Variants in SNX9 observed in about 807,000 individuals in gnomAD.
SNX9 encodes sorting nexin 9, also known as sorting nexin-9.
In SNX9, 44 loss-of-function variants were observed where a neutral mutation model predicts 89.4. That is an observed-to-expected ratio of 0.49 (90% confidence interval 0.39 to 0.63). The LOEUF (loss-of-function observed/expected upper bound fraction) is 0.63. Ranked by LOEUF, SNX9 falls within the 30% of genes least tolerant of loss-of-function variation. The pLI, the probability that SNX9 is intolerant of heterozygous loss-of-function variation, is 0.00. For missense variants in SNX9, 578 were observed against 736.1 expected (o/e 0.79, Z 2.49); for synonymous variants, 236 against 247.8 (o/e 0.95, Z 0.45).
intron 4 of SNX9, chr6:157,885,013 T>G (rs1300981106): frequency 6.6e-6 from 1 of 152,226 alleles, no homozygotes; most frequent in Non-Finnish European, 1.5e-5. Context: ...TGTAGCGCCA[T>G]CCTATTCTGT....
chr6:157,910,835 T>C (rs1232617344), intron 9 of SNX9, among the ~76,000 whole-genome samples: 1 of 152,132 alleles, frequency 6.6e-6, no homozygotes, highest in African/African-American at 2.4e-5. Context: ...ATGTGTGTGT[T>C]AAAATAAAGG....
intron 1 of SNX9, among the ~76,000 whole-genome samples, chr6:157,840,296 T>A (rs1781671956): frequency 6.6e-6 from 1 of 152,098 alleles, no homozygotes; most frequent in African/African-American, 2.4e-5. Flanking sequence ...GAGGGGCTGC[T>A]CCCCAGGCTG....
intron 13 of SNX9, among the ~76,000 whole-genome samples, chr6:157,934,633 T>C (rs890653984): frequency 6.6e-6 from 1 of 152,228 alleles, no homozygotes; most frequent in Non-Finnish European, 1.5e-5. Context: ...TTCTAAAACT[T>C]CTAAAACTAT....
At position 157,944,544 on chromosome 6, in the gene SNX9, G is replaced by T. The variant is rs1230245682; in HGVS notation, c.*1706G>T. On this transcript the variant is annotated 3_prime_UTR_variant, in exon 18 of 18. Coordinates refer to ENST00000392185, the MANE Select transcript of SNX9 (RefSeq NM_016224.5). Reference sequence around the variant, plus strand: ...AAGCACTTTTTCAAAACACTTTTTGGACTTTGTGTGTGATTTTTGTTGTTG... The same window carrying T: ...AAGCACTTTTTCAAAACACTTTTTGTACTTTGTGTGTGATTTTTGTTGTTG... The T allele has an allele frequency of 6.6e-6, 1 of 152,406 alleles. No individual in the cohort carries two copies. Among genetic ancestry groups the T allele is most frequent in the Non-Finnish European group, 1.5e-5 (1 of 68,032 alleles). 9.4% of individuals were successfully genotyped at this position (152,406 alleles called of 1,614,324 possible).
At chr6:157,931,900 T>G (rs1411890429) in intron 12 of SNX9, among the ~76,000 whole-genome samples, 2 of 152,204 alleles carry the variant, frequency 1.3e-5, no homozygotes, top group Non-Finnish European at 2.9e-5. Flanking sequence ...TAGAAGTACT[T>G]TGTAAGCTAG....
intron 1 of SNX9, among the ~76,000 whole-genome samples, chr6:157,847,564 G>A (rs1781829146): frequency 6.6e-6 from 1 of 151,852 alleles, no homozygotes; most frequent in East Asian, 1.9e-4. Context: ...TTCGATTGTT[G>A]AGTTTTTGGG....
At chr6:157,937,000 A>G (rs1009524419) in intron 14 of SNX9, among the ~76,000 whole-genome samples, 1 of 152,248 alleles carries the variant, frequency 6.6e-6, no homozygotes, top group African/African-American at 2.4e-5. Context: ...TTTTAATAAC[A>G]TAGCTATTAA....
chr6:157,938,754 T>C lies in SNX9; in HGVS notation c.1648+7T>C. On this transcript the variant is annotated splice_region_variant and intron_variant, in intron 16 of 17. Transcript: ENST00000392185. ...ATGTCTTACGCGTTGCAAGGTAAGATGAAAGGGTCCTTATGAGGTGCTGGT... is the reference window on the plus strand; with the variant it reads ...ATGTCTTACGCGTTGCAAGGTAAGACGAAAGGGTCCTTATGAGGTGCTGGT... 1 of 1,607,308 alleles carries C rather than the reference T, an allele frequency of 6.2e-7. No individual in the cohort carries two copies. The highest frequency in any genetic ancestry group is 8.5e-7 in the Non-Finnish European group (1 of 1,175,070).
chr6:157,828,631 C>CT (rs1201727788), intron 1 of SNX9, among the ~76,000 whole-genome samples: 4 of 152,104 alleles, frequency 2.6e-5, no homozygotes, highest in Non-Finnish European at 4.4e-5. Context: ...GTAGCTGGGA[C>CT]TACAGGTGTG....
At position 157,835,577 on chromosome 6, in the gene SNX9, A is replaced by C. The variant is rs141567144; in HGVS notation, c.12+12131A>C. 3.6e-4 allele frequency among the ~76,000 whole-genome samples: 55 copies of C among 151,788 alleles called. No homozygotes were observed. In the East Asian group the frequency reaches 7.0e-3, roughly 19 times the overall value. The stretch of plus-strand genomic sequence containing the variant: ...TGGTTAGGCTTCGTGTCCCCACCCA[A>C]ATCTCATCTTGAATTGTAATCGCTG... On this transcript the variant is annotated intron_variant, in intron 1 of 17. Transcript: ENST00000392185.
intron 15 of SNX9, among the ~76,000 whole-genome samples, chr6:157,938,234 T>G (rs1783965267): frequency 6.6e-6 from 1 of 152,200 alleles, no homozygotes; most frequent in South Asian, 2.1e-4. Flanking sequence ...AATATTCTGT[T>G]GTATAAAAAA....
chr6:157,835,818 A>G (rs111398590), intron 1 of SNX9, among the ~76,000 whole-genome samples: 10,857 of 152,214 alleles, frequency 0.071, 490 homozygotes, highest in Non-Finnish European at 0.11. Flanking sequence ...CTGTGAGTCA[A>G]TTAAACCTCT....
intron 13 of SNX9, 65 bp from the exon 14 acceptor site, chr6:157,935,899 A>C: frequency 8.5e-7 from 1 of 1,171,200 alleles, no homozygotes; most frequent in Non-Finnish European, 1.2e-6. Flanking sequence ...TCAATAATAA[A>C]ATTTTAACAA....
chr6:157,905,284 A>G (rs1783187227), intron 6 of SNX9, among the ~76,000 whole-genome samples: 1 of 152,224 alleles, frequency 6.6e-6, no homozygotes, highest in Non-Finnish European at 1.5e-5. Flanking sequence ...TGGCACATGA[A>G]TGAAAGTAGA....
intron 5 of SNX9, among the ~76,000 whole-genome samples, chr6:157,897,787 A>G (rs953522443): frequency 1.3e-5 from 2 of 152,166 alleles, no homozygotes; most frequent in South Asian, 2.1e-4. Flanking sequence ...AAGTGCTGGG[A>G]TTACAGGTGT....
In SNX9 at chr6:157,928,697, C is replaced by T. The variant is rs1783745747; in HGVS notation, c.1283C>T (p.Thr428Met). Residue 428 changes from threonine to methionine, a missense_variant, in exon 12 of 18, where the codon ACG (threonine) becomes ATG (methionine). Transcript: ENST00000392185. ...GGGCAGGAGCACTGGAAGCGCTGCA[C>T]GGGCCGTAAGTCCACTCCTCACAGT... ...TVGQEHWKRC[T>M]GPLPKEYQKI... is the part of the protein sequence containing the mutation. 3 of 1,595,570 alleles carry T rather than the reference C, an allele frequency of 1.9e-6. No individual in the cohort carries two copies. Among genetic ancestry groups the T allele is most frequent in the East Asian group, 2.3e-5 (1 of 43,784 alleles).
intron 7 of SNX9, among the ~76,000 whole-genome samples, chr6:157,907,437 A>G (rs1783240576): frequency 6.6e-6 from 1 of 151,970 alleles, no homozygotes; most frequent in Non-Finnish European, 1.5e-5. Flanking sequence ...ATGCACCACC[A>G]CGCCTAGCTA....
chr6:157,832,876 C>G (rs1476585693), intron 1 of SNX9, among the ~76,000 whole-genome samples: 1 of 152,154 alleles, frequency 6.6e-6, no homozygotes, highest in Non-Finnish European at 1.5e-5. Context: ...TTACTTAGTA[C>G]TTTGAGTGAG....
Position 157,944,176 on chromosome 6 carries a change from C to A in SNX9, c.*1338C>A, listed in dbSNP as rs1179577494. On this transcript the variant is annotated 3_prime_UTR_variant, in exon 18 of 18. Coordinates refer to ENST00000392185, the MANE Select transcript of SNX9 (RefSeq NM_016224.5). ...CTCCCGTCTCCCACAGGTGCCTTACCGCGTTCCCTCCCGCTGCTTTCATTT... is the reference window on the plus strand; with the variant it reads ...CTCCCGTCTCCCACAGGTGCCTTACAGCGTTCCCTCCCGCTGCTTTCATTT... 1 of 152,326 alleles carries A rather than the reference C, an allele frequency of 6.6e-6. No individual in the cohort carries two copies. The highest frequency in any genetic ancestry group is 6.5e-5 in the Admixed American group (1 of 15,272). 9.4% of individuals were successfully genotyped at this position (152,326 alleles called of 1,614,324 possible).
Sources: allele counts gnomAD v4.1 joint callset (sites outside exome capture counted in the v4.1 genomes callset), GRCh38; gene constraint gnomAD v4.1.1; transcripts MANE v1.5; gene names NCBI Gene and HGNC (gene_info 2026-07-23, HGNC 2026-07-21).